Variants in TRIM28 observed in about 807,000 individuals in gnomAD.
TRIM28 encodes the protein transcription intermediary factor 1-beta.
A neutral mutation model predicts 87.4 loss-of-function variants in TRIM28; 8 were observed. That is an observed-to-expected ratio of 0.09 (90% CI 0.05 to 0.17). TRIM28 has a LOEUF of 0.17. Ranked by LOEUF, TRIM28 falls within the 10% of genes least tolerant of loss-of-function variation. The pLI, the probability that TRIM28 is intolerant of heterozygous loss-of-function variation, is 1.00. For missense variants in TRIM28, 968 were observed against 1,131.8 expected (o/e 0.86, Z 2.08); for synonymous variants, 601 against 454.3 (o/e 1.32, Z -4.11).
At chr19:58,546,301 A>T (rs371212328) in intron 3 of TRIM28, among the ~76,000 whole-genome samples, 2 of 152,162 alleles carry the variant, frequency 1.3e-5, no homozygotes, top group East Asian at 3.8e-4. Flanking sequence ...CTGTGGGTCC[A>T]TGGATTATAA....
At position 58,549,712 on chromosome 19, in the gene TRIM28, C is replaced by G. The variant is rs552032418; in HGVS notation, c.1983-25C>G. On this transcript the variant is annotated intron_variant, in intron 13 of 16. Coordinates refer to ENST00000253024, the MANE Select transcript of TRIM28 (RefSeq NM_005762.3). The surrounding 1 kb of genome is among the most constrained non-coding windows in gnomAD (Gnocchi z 4.4). ...TGGGCTGTCTGGACAGGATCATGTG[C>G]AGACCCTTATTTTCTTCACCCTAGG... 6.3e-7 allele frequency: 1 copy of G among 1,598,810 alleles called. No individual in the cohort carries two copies. The highest frequency in any genetic ancestry group is 1.1e-5 in the South Asian group (1 of 89,434).
rs1322887087 is a variant in TRIM28 at position 58,549,469 on chromosome 19, T to C, written c.1801T>C (p.Ser601Pro). 5.0e-6 allele frequency: 8 copies of C among 1,613,050 alleles called. No individual in the cohort carries two copies. Among genetic ancestry groups the C allele is most frequent in the Non-Finnish European group, 2.5e-6 (3 of 1,179,556 alleles). Residue 601 changes from serine (S) to proline (P), a missense_variant, in exon 13 of 17, where the codon TCA becomes CCA. Ser to Pro is a moderately conservative substitution (Grantham distance 74). Transcript: ENST00000253024. The surrounding 1 kb of genome is among the most constrained non-coding windows in gnomAD (Gnocchi z 4.4). ...RLASPSGSTS[S>P]GLEVVAPEGT... is the part of the protein sequence containing the mutation. ...GGCCTCACCTAGTGGCAGCACCAGC[T>C]CAGGGCTGGAGGTGGTGGCTCCTGA... is the stretch of plus-strand genomic sequence containing the variant.
chr19:58,548,811 C>T (rs368393553), intron 10 of TRIM28, 35 bp downstream of exon 10: 33 of 1,613,922 alleles, frequency 2.0e-5, no homozygotes, highest in Non-Finnish European at 2.3e-5. Flanking sequence ...GGGAAGGGCC[C>T]CAGTGCTGTT....
chr19:58,545,582 G>A (rs950873620), intron 2 of TRIM28, 45 bp downstream of exon 2: 3 of 1,531,494 alleles, frequency 2.0e-6, no homozygotes, highest in Admixed American at 3.4e-5. Flanking sequence ...TGGGGAGGGG[G>A]CATCTGCGCA....
rs1376703284 is a variant in TRIM28, at chr19:58,545,540, G to A, written c.453+3G>A. The A allele has an allele frequency of 6.2e-7, 1 of 1,607,306 alleles. No individual in the cohort carries two copies. The highest frequency in any genetic ancestry group is 8.5e-7 in the Non-Finnish European group (1 of 1,175,530). Reference sequence around the variant, plus strand: ...CCGACGCCCAGGATGCGAACCAGGTGCGTCCTATCTCAGCAACCACAAGGA... The same window carrying A: ...CCGACGCCCAGGATGCGAACCAGGTACGTCCTATCTCAGCAACCACAAGGA... On this transcript the variant is annotated splice_donor_region_variant and intron_variant, in intron 2 of 16. Transcript: ENST00000253024.
rs370690334 is a variant in TRIM28, at chr19:58,547,821, G to A, written c.869G>A (p.Arg290His). The A allele has an allele frequency of 6.2e-7, 1 of 1,614,172 alleles. No individual in the cohort carries two copies. The highest frequency in any genetic ancestry group is 8.5e-7 in the Non-Finnish European group (1 of 1,180,046). ...SIRQVSDVQK[R>H]VQVDVKMAIL... ...CGCCAGGTGTCTGACGTACAGAAGC[G>A]TGTGCAAGTGGATGTCAAGATGGCC... Residue 290 changes from arginine to histidine, a missense_variant, in exon 6 of 17, where the codon CGT becomes CAT. By Grantham distance (29) the Arg-to-His change is conservative (BLOSUM62 0). Around this residue, in one of 11 missense-constraint regions of TRIM28, gnomAD observed 103 missense variants for 139.0 expected, o/e 0.74. Coordinates refer to ENST00000253024, the MANE Select transcript of TRIM28 (RefSeq NM_005762.3).
chr19:58,549,935 T>TA lies in TRIM28; in HGVS notation c.2107-13dup, dbSNP rs1169856990. 2 of 1,613,976 alleles carry TA rather than the reference T, an allele frequency of 1.2e-6. No individual in the cohort carries two copies. The highest frequency in any genetic ancestry group is 1.1e-5 in the South Asian group (1 of 91,064). ...TGCTGCCCAGAGCTGTGACATCCCT[T>TA]ACAATGTTTGTAGAAATGTGAGCGT... On this transcript the variant is annotated splice_polypyrimidine_tract_variant and intron_variant, in intron 14 of 16. Transcript: ENST00000253024. The surrounding 1 kb of genome is among the most constrained non-coding windows in gnomAD (Gnocchi z 4.4).
At chr19:58,547,089 G>T in intron 3 of TRIM28, 1 of 373,468 alleles carries the variant, frequency 2.7e-6, no homozygotes, top group Non-Finnish European at 4.9e-6. Flanking sequence ...GGGGTGGGGT[G>T]GGGTGGTCCT....
Position 58,548,189 on chromosome 19 carries a change from T to C in TRIM28, c.1101+9T>C. The C allele has an allele frequency of 1.2e-6, 2 of 1,613,884 alleles. No individual in the cohort carries two copies. Among genetic ancestry groups the C allele is most frequent in the Non-Finnish European group, 1.7e-6 (2 of 1,179,732 alleles). ...TGCTTTCTAAGAAGTTGGTGTGTAC[T>C]GGTGGGCTCCTGGCTGGTGGGTTCC... is the stretch of plus-strand genomic sequence containing the variant. On this transcript the variant is annotated intron_variant, in intron 7 of 16. Coordinates refer to ENST00000253024, the MANE Select transcript of TRIM28 (RefSeq NM_005762.3).
Position 58,547,831 on chromosome 19 carries a change from G to T in TRIM28, c.879G>T (p.Val293=). Residue 293 remains valine, a synonymous_variant, in exon 6 of 17, where the codon GTG becomes GTT. Transcript: ENST00000253024. ...CTGACGTACAGAAGCGTGTGCAAGT[G>T]GATGTCAAGATGGCCATCCTGCAGA... The part of the protein sequence containing the change: ...QVSDVQKRVQ[V]DVKMAILQIM... 3.7e-6 allele frequency: 6 copies of T among 1,614,146 alleles called. No homozygotes were observed. The highest frequency in any genetic ancestry group is 5.1e-6 in the Non-Finnish European group (6 of 1,180,036).
Position 58,545,421 on chromosome 19 carries a change from G to C in TRIM28, c.341-4G>C, listed in dbSNP as rs758617548. The C allele has an allele frequency of 1.9e-6, 3 of 1,604,544 alleles. No homozygotes were observed. Among genetic ancestry groups the C allele is most frequent in the Non-Finnish European group, 2.6e-6 (3 of 1,173,396 alleles). Reference sequence around the variant, plus strand: ...ACAGTCTCCCACATCCCTGCTTCTCGAAGTGGTGGACTGTCCCGTGTGCAA... The same window carrying C: ...ACAGTCTCCCACATCCCTGCTTCTCCAAGTGGTGGACTGTCCCGTGTGCAA... On this transcript the variant is annotated splice_region_variant and splice_polypyrimidine_tract_variant and intron_variant, in intron 1 of 16. Coordinates refer to ENST00000253024, the MANE Select transcript of TRIM28 (RefSeq NM_005762.3).
intron 15 of TRIM28, 24 bp from the exon 16 acceptor site, chr19:58,550,123 T>TG: frequency 6.2e-7 from 1 of 1,613,694 alleles, no homozygotes; most frequent in Non-Finnish European, 8.5e-7. Context: ...TCTTTGTGTG[T>TG]GTATGTGTGA....
intron 1 of TRIM28, 92 bp downstream of exon 1, chr19:58,545,189 G>A (rs939408354): frequency 1.1e-5 from 13 of 1,221,214 alleles, no homozygotes; most frequent in Middle Eastern, 5.7e-4. Flanking sequence ...CTGGGCGAGA[G>A]GATGGGGGCC....
chr19:58,545,597 G>T, intron 2 of TRIM28, 60 bp downstream of exon 2: 1 of 1,510,336 alleles, frequency 6.6e-7, no homozygotes, highest in Non-Finnish European at 9.1e-7. Flanking sequence ...TGCGCAGGAG[G>T]AGCTTGGCAC....
Position 58,546,612 on chromosome 19 carries a change from C to T in TRIM28, c.586+716C>T, listed in dbSNP as rs1401809495. ...AGGGGCTGCAGGGTGTCCTACATTC[C>T]AGACGTCCCAGGCAAAGGTCAGGGT... On this transcript the variant is annotated intron_variant, in intron 3 of 16. Transcript: ENST00000253024. Among the ~76,000 whole-genome samples, 3 of 152,186 alleles carry T rather than the reference C, an allele frequency of 2.0e-5. No individual in the cohort carries two copies. In the East Asian group the frequency reaches 5.8e-4, roughly 29 times the overall value.
At chr19:58,547,124 A>T (rs1055929255) in intron 3 of TRIM28, 1 of 484,796 alleles carries the variant, frequency 2.1e-6, no homozygotes. Flanking sequence ...TGTTATCCTT[A>T]CCCTTACATT....
rs762474169 is a variant in TRIM28, at chr19:58,549,584, T to C, written c.1916T>C (p.Met639Thr). The change falls in exon 13 of 17, where the codon ATG becomes ACG. Residue 639 changes from methionine to threonine, a missense_variant. Transcript: ENST00000253024. The surrounding 1 kb of genome is among the most constrained non-coding windows in gnomAD (Gnocchi z 4.4). Reference protein sequence around the residue: ...RVCQKPGDLVMCNQCEFCFHL... With the variant: ...RVCQKPGDLVTCNQCEFCFHL... ...TGCCAGAAGCCAGGCGATCTGGTTA[T>C]GTGCAACCAGTGTGAGTTTTGTTTC... 6.2e-7 allele frequency: 1 copy of C among 1,614,130 alleles called. No homozygotes were observed. The highest frequency in any genetic ancestry group is 8.5e-7 in the Non-Finnish European group (1 of 1,179,998).
chr19:58,547,823 G>C lies in TRIM28; in HGVS notation c.871G>C (p.Val291Leu). 6.2e-7 allele frequency: 1 copy of C among 1,614,192 alleles called. No individual in the cohort carries two copies. The highest frequency in any genetic ancestry group is 8.5e-7 in the Non-Finnish European group (1 of 1,180,040). Reference sequence around the variant, plus strand: ...CCAGGTGTCTGACGTACAGAAGCGTGTGCAAGTGGATGTCAAGATGGCCAT... The same window carrying C: ...CCAGGTGTCTGACGTACAGAAGCGTCTGCAAGTGGATGTCAAGATGGCCAT... ...IRQVSDVQKR[V>L]QVDVKMAILQ... Residue 291 changes from valine (V) to leucine (L), a missense_variant, in exon 6 of 17, where the codon GTG becomes CTG. By Grantham distance (32) the Val-to-Leu change is conservative. This residue lies in a region of TRIM28 where 103 missense variants were observed against 139.0 expected (regional missense o/e 0.74). Transcript: ENST00000253024.
In TRIM28 at chr19:58,550,018, G is replaced by A. The variant is rs143576367; in HGVS notation, c.2176G>A (p.Asp726Asn). The A allele has an allele frequency of 2.4e-5, 39 of 1,614,048 alleles. No homozygotes were observed. The highest frequency in any genetic ancestry group is 5.3e-5 in the African/African-American group (4 of 75,004). ...PCRPLHQLAT[D>N]STFSLDQPGG... ...CCGCCCCCTGCATCAGCTGGCTACCGACTCCACCTTCTCCCTGGTGAGTCC... is the reference window on the plus strand; with the variant it reads ...CCGCCCCCTGCATCAGCTGGCTACCAACTCCACCTTCTCCCTGGTGAGTCC... Residue 726 changes from aspartate to asparagine, a missense_variant, in exon 15 of 17, where the codon GAC becomes AAC. Physicochemically the swap from Asp to Asn is conservative, Grantham distance 23. Coordinates refer to ENST00000253024, the MANE Select transcript of TRIM28 (RefSeq NM_005762.3).
Sources: gnomAD v4.1 joint callset for allele counts (sites outside exome capture counted in the v4.1 genomes callset) on GRCh38, gnomAD v4.1.1 for gene constraint, gnomAD v4.1.1 regional missense constraint, Gnocchi (gnomAD v3.1) non-coding constraint, MANE v1.5 for transcripts, NCBI Gene and HGNC (gene_info 2026-07-23, HGNC 2026-07-21) for gene names.